Variants in INPP5D observed in about 807,000 individuals in gnomAD.
INPP5D encodes the protein phosphatidylinositol 3,4,5-trisphosphate 5-phosphatase 1.
Under a neutral mutation model 122.9 loss-of-function variants are expected in INPP5D, and 33 were observed. The ratio of observed to expected loss-of-function variants is 0.27; its 90% CI spans 0.20 to 0.36. The LOEUF is 0.36. Ranked by LOEUF, INPP5D falls within the 10% of genes least tolerant of loss-of-function variation. The pLI is 1.00. For missense variants in INPP5D, 1,053 were observed against 1,412.7 expected, an observed-to-expected ratio of 0.75 and a Z score of 4.08; for synonymous variants, 584 against 576.2, an observed-to-expected ratio of 1.01 and a Z score of -0.19.
chr2:233,137,895 T>TACACAC (rs1559313493), intron 5 of INPP5D, among the ~76,000 whole-genome samples: 13 of 51,924 alleles, frequency 2.5e-4, no homozygotes, highest in African/African-American at 7.8e-4. Context: ...TATATATATA[T>TACACAC]ATACACACAC....
chr2:233,186,667 T>A (rs1694924200), intron 21 of INPP5D, among the ~76,000 whole-genome samples: 1 of 138,902 alleles, frequency 7.2e-6, no homozygotes, highest in South Asian at 2.4e-4. Context: ...CTCTTGTTTT[T>A]TTTTCTTTTT....
rs1308351541 is a variant in INPP5D at position 233,164,340 on chromosome 2, G to A, written c.1471G>A (p.Val491Met). The A allele has an allele frequency of 4.5e-6, 7 of 1,552,018 alleles. No individual in the cohort carries two copies. Among genetic ancestry groups the A allele is most frequent in the South Asian group, 2.4e-5 (2 of 84,060 alleles). The change falls in exon 13 of 27, where the codon GTG (valine) becomes ATG (methionine). Residue 491 changes from valine (V) to methionine (M), a missense_variant. Coordinates refer to ENST00000445964, the MANE Select transcript of INPP5D (RefSeq NM_001017915.3). This position sits in a 1 kb window ranked among gnomAD's most constrained non-coding sequence, Gnocchi z 4.3. ...AIHTLWNIRI[V>M]VLAKPEHENR... ...CCACACGCTCTGGAACATCCGCATC[G>A]TGGTGCTGGCCAAGCCTGAGCACGA...
At chr2:233,173,230 AG>A (rs1288064240) in intron 17 of INPP5D, among the ~76,000 whole-genome samples, 1 of 147,414 alleles carries the variant, frequency 6.8e-6, no homozygotes, top group East Asian at 1.9e-4. Flanking sequence ...AAAAAAAAGA[AG>A]GTGGTACACC....
intron 1 of INPP5D, among the ~76,000 whole-genome samples, chr2:233,077,661 C>CAA (rs36042957): frequency 8.6e-5 from 4 of 46,438 alleles, no homozygotes; most frequent in African/African-American, 1.7e-4. Context: ...AACTCTGTCT[C>CAA]AAAAAAAAAA....
chr2:233,070,692 C>T (rs1161017440), intron 1 of INPP5D, among the ~76,000 whole-genome samples: 13 of 152,200 alleles, frequency 8.5e-5, no homozygotes, highest in African/African-American at 2.6e-4. Flanking sequence ...CCGCTCGCCT[C>T]GGCCTCCCAA....
chr2:233,195,559 T>C, intron 24 of INPP5D, 64 bp downstream of exon 24: 1 of 1,607,070 alleles, frequency 6.2e-7, no homozygotes, highest in East Asian at 2.2e-5. Context: ...CAAATTAGCA[T>C]GGTTTGGCCG....
intron 6 of INPP5D, among the ~76,000 whole-genome samples, chr2:233,144,533 G>C (rs1411248956): frequency 2.6e-5 from 3 of 113,560 alleles, no homozygotes; most frequent in African/African-American, 9.9e-5. Context: ...GATGGTGAGG[G>C]TGGAGGTGGT....
chr2:233,080,212 G>A (rs1365015477), intron 2 of INPP5D, among the ~76,000 whole-genome samples: 2 of 152,146 alleles, frequency 1.3e-5, no homozygotes, highest in African/African-American at 4.8e-5. Flanking sequence ...TTATAGGCAT[G>A]AGCCACCCCG....
chr2:233,204,181 C>T lies in INPP5D; in HGVS notation c.3031C>T (p.Leu1011=), dbSNP rs1435461009. 1 of 1,607,518 alleles carries T rather than the reference C, an allele frequency of 6.2e-7. No homozygotes were observed. Among genetic ancestry groups the T allele is most frequent in the East Asian group, 2.2e-5 (1 of 44,558 alleles). Residue 1011 remains leucine (L), a synonymous_variant, in exon 26 of 27, where the codon CTG becomes TTG. Transcript: ENST00000445964. ...GDTLPQEDLP[L]TKPEMFENPL... is the part of the protein sequence containing the mutation. ...CACGCTGCCTCAGGAGGACCTGCCG[C>T]TGACGAAGCCCGAGATGTTTGAGAA...
At chr2:233,111,860 A>T (rs1365369179) in intron 2 of INPP5D, among the ~76,000 whole-genome samples, 12 of 152,190 alleles carry the variant, frequency 7.9e-5, no homozygotes, top group Non-Finnish European at 1.6e-4. Context: ...CAGGAGTTTT[A>T]GACCAGCCTG....
intron 4 of INPP5D, among the ~76,000 whole-genome samples, chr2:233,126,580 T>C (rs1462985992): frequency 6.6e-6 from 1 of 152,236 alleles, no homozygotes; most frequent in Non-Finnish European, 1.5e-5. Context: ...GTTGCTACTA[T>C]GTTGATTGTC....
In INPP5D at chr2:233,177,381, C is replaced by G. The variant is rs760732729; in HGVS notation, c.2071+35C>G. 3.1e-6 allele frequency: 5 copies of G among 1,613,264 alleles called. No individual in the cohort carries two copies. Among genetic ancestry groups the G allele is most frequent in the Non-Finnish European group, 4.2e-6 (5 of 1,179,460 alleles). The stretch of plus-strand genomic sequence containing the variant: ...AACACTGGGGAAAGCAGAACAGGAT[C>G]AGAGAATGGCACCAAGCTGGGAGGT... On this transcript the variant is annotated intron_variant, in intron 18 of 26. Transcript: ENST00000445964. The surrounding 1 kb of genome is among the most constrained non-coding windows in gnomAD (Gnocchi z 4.2).
chr2:233,107,192 G>A (rs1692491965), intron 2 of INPP5D, among the ~76,000 whole-genome samples: 1 of 152,190 alleles, frequency 6.6e-6, no homozygotes, highest in Admixed American at 6.5e-5. Flanking sequence ...GGTAGGCAGG[G>A]CTGCTGGTGG....
In INPP5D at chr2:233,198,131, C is replaced by A; in HGVS notation, c.2730C>A (p.Ile910=). The part of the protein sequence containing the change: ...PPCSGSSITE[I]INPNYMGVGP... The stretch of plus-strand genomic sequence containing the variant: ...GCAGTGGCTCCAGCATCACTGAAAT[C>A]ATCAACCCCAACTACATGGGAGTGG... Residue 910 remains isoleucine, a synonymous_variant, in exon 25 of 27, where the codon ATC becomes ATA. Transcript: ENST00000445964. The A allele has an allele frequency of 1.2e-6, 2 of 1,612,438 alleles. No individual in the cohort carries two copies. The highest frequency in any genetic ancestry group is 1.7e-4 in the Middle Eastern group (1 of 6,058).
chr2:233,170,419 C>G lies in INPP5D; in HGVS notation c.1792-77C>G, dbSNP rs1031264429. 1 of 1,588,596 alleles carries G rather than the reference C, an allele frequency of 6.3e-7. No homozygotes were observed. The highest frequency in any genetic ancestry group is 8.6e-7 in the Non-Finnish European group (1 of 1,166,768). ...CTGCAGCCCGGGTCATCCAGCTGCC[C>G]GCCCCCAGCCCCGAAGCTTGTCAGG... On this transcript the variant is annotated intron_variant, in intron 15 of 26. Transcript: ENST00000445964. This position sits in a 1 kb window ranked among gnomAD's most constrained non-coding sequence, Gnocchi z 4.5.
Position 233,105,138 on chromosome 2 carries a change from C to T in INPP5D, c.199-16969C>T, listed in dbSNP as rs1445458389. ...GGTGGTTCCAGTGCCCAAGGGCAGT[C>T]GTCTGAGGCACCAGGCTTAGGTCTT... On this transcript the variant is annotated intron_variant, in intron 2 of 26. Coordinates refer to ENST00000445964, the MANE Select transcript of INPP5D (RefSeq NM_001017915.3). This position sits in a 1 kb window ranked among gnomAD's most constrained non-coding sequence, Gnocchi z 4.0. 2.0e-5 allele frequency among the ~76,000 whole-genome samples: 3 copies of T among 152,136 alleles called. No homozygotes were observed. The highest frequency in any genetic ancestry group is 4.4e-5 in the Non-Finnish European group (3 of 68,024).
At chr2:233,136,202 G>T (rs1429448135) in intron 5 of INPP5D, among the ~76,000 whole-genome samples, 1 of 152,220 alleles carries the variant, frequency 6.6e-6, no homozygotes, top group Non-Finnish European at 1.5e-5. Flanking sequence ...AGAAGGCCGG[G>T]CCTAGTGGCT....
Position 233,164,219 on chromosome 2 carries a change from G to T in INPP5D, c.1438-88G>T. 1 of 1,472,340 alleles carries T rather than the reference G, an allele frequency of 6.8e-7. No individual in the cohort carries two copies. The highest frequency in any genetic ancestry group is 9.0e-7 in the Non-Finnish European group (1 of 1,107,710). 91.2% of individuals were successfully genotyped at this position (1,472,340 alleles called of 1,614,324 possible). ...ACAGACAGGATACCCCATACCCAGG[G>T]GCTGCGGCTGGGGCTGGGTGTGAAT... On this transcript the variant is annotated intron_variant, in intron 12 of 26. Coordinates refer to ENST00000445964, the MANE Select transcript of INPP5D (RefSeq NM_001017915.3). This position sits in a 1 kb window ranked among gnomAD's most constrained non-coding sequence, Gnocchi z 4.3.
chr2:233,125,675 T>G, intron 3 of INPP5D, 70 bp from the exon 4 acceptor site: 1 of 1,422,524 alleles, frequency 7.0e-7, no homozygotes, highest in Non-Finnish European at 9.6e-7. Flanking sequence ...CTGGACCCCA[T>G]GGGGCTGCGG....
Sources: allele counts gnomAD v4.1 joint callset (sites outside exome capture counted in the v4.1 genomes callset), GRCh38; gene constraint gnomAD v4.1.1; non-coding constraint Gnocchi (gnomAD v3.1); transcripts MANE v1.5; gene names NCBI Gene and HGNC (gene_info 2026-07-23, HGNC 2026-07-21).